Variants in KLHDC1 observed in about 807,000 individuals in gnomAD.
KLHDC1 encodes kelch domain-containing protein 1.
A neutral mutation model predicts 68.3 loss-of-function variants in KLHDC1; 53 were observed. The ratio of observed to expected loss-of-function variants is 0.78; its 90% CI spans 0.62 to 0.98. The LOEUF (loss-of-function observed/expected upper bound fraction) is 0.98, where lower values mean the gene tolerates loss of function less well. Among genes scored for constraint, KLHDC1 ranks in the 50% least tolerant of loss-of-function variants. KLHDC1 has a pLI of 0.00. For synonymous variants in KLHDC1, 148 were observed against 159.0 expected, an observed-to-expected ratio of 0.93 and a Z score of 0.52; for missense variants, 470 against 492.3, an observed-to-expected ratio of 0.95 and a Z score of 0.43.
rs59444333 is a variant in KLHDC1, at chr14:49,705,365, CTTTTTT to C, written c.97-3778_97-3773del. 1.4e-4 allele frequency among the ~76,000 whole-genome samples: 10 copies of C among 71,672 alleles called. 1 individual carries two copies. Among genetic ancestry groups the C allele is most frequent in the East Asian group, 4.9e-4 (1 of 2,046 alleles). 47.0% of individuals were successfully genotyped at this position (71,672 alleles called of 152,430 possible). A position where few individuals can be genotyped will look rare whatever the true frequency, so the allele number is the denominator to read the frequency against. On this transcript the variant is annotated intron_variant, in intron 1 of 12. Transcript: ENST00000359332. ...TCACTTTCATAATATTTCTTTCTTT[CTTTTTT>C]TTTTTTTTTTTTTTTGAGATGGAGT...
intron 8 of KLHDC1, among the ~76,000 whole-genome samples, chr14:49,731,195 G>C (rs925171780): frequency 4.6e-5 from 7 of 152,132 alleles, no homozygotes; most frequent in African/African-American, 1.7e-4. Flanking sequence ...CAGGAGAATT[G>C]CTTGTACCTG....
intron 1 of KLHDC1, among the ~76,000 whole-genome samples, chr14:49,696,938 CTTTTTTT>C (rs763606965): frequency 3.6e-5 from 5 of 139,580 alleles, no homozygotes; most frequent in Non-Finnish European, 7.8e-5. Flanking sequence ...GGCCTACTTT[CTTTTTTT>C]TTTTTTTTTA....
At chr14:49,700,341 T>C (rs1211433907) in intron 1 of KLHDC1, among the ~76,000 whole-genome samples, 1 of 152,070 alleles carries the variant, frequency 6.6e-6, no homozygotes, top group Admixed American at 6.5e-5. Context: ...CTAGCACTTT[T>C]GGAGGCCAAG....
At chr14:49,704,876 A>G (rs986392102) in intron 1 of KLHDC1, among the ~76,000 whole-genome samples, 1 of 152,124 alleles carries the variant, frequency 6.6e-6, no homozygotes, top group African/African-American at 2.4e-5. Context: ...TTTGTCTTTT[A>G]TGTGTGAGGC....
chr14:49,707,913 C>T (rs1316797562), intron 1 of KLHDC1: 1 of 152,084 alleles, frequency 6.6e-6, no homozygotes, highest in Non-Finnish European at 1.5e-5. Flanking sequence ...GCCTTGGCCT[C>T]CCAAAGTGCT....
intron 3 of KLHDC1, 29 bp downstream of exon 3, chr14:49,709,855 G>T: frequency 8.7e-7 from 1 of 1,148,844 alleles, no homozygotes; most frequent in Non-Finnish European, 1.3e-6. Flanking sequence ...CAAGAGTGCA[G>T]CAAAATGTAA....
At chr14:49,740,251 C>A in intron 11 of KLHDC1, 69 bp downstream of exon 11, 1 of 867,922 alleles carries the variant, frequency 1.2e-6, no homozygotes, top group Non-Finnish European at 1.8e-6. Context: ...GGCTATTCAG[C>A]AAGAATGTTG....
At position 49,732,748 on chromosome 14, in the gene KLHDC1, C is replaced by A; in HGVS notation, c.755C>A (p.Thr252Asn). 6.2e-7 allele frequency: 1 copy of A among 1,610,224 alleles called. No individual in the cohort carries two copies. Among genetic ancestry groups the A allele is most frequent in the Non-Finnish European group, 8.5e-7 (1 of 1,176,700 alleles). ...AGCCCAAAACATCGGTCATGGCATACTTTAACACCTATAGCTGATGATAAA... is the reference window on the plus strand; with the variant it reads ...AGCCCAAAACATCGGTCATGGCATAATTTAACACCTATAGCTGATGATAAA... Reference protein sequence around the residue: ...GESPKHRSWHTLTPIADDKLF... With the variant: ...GESPKHRSWHNLTPIADDKLF... The change falls in exon 9 of 13, where the codon ACT becomes AAT. Residue 252 changes from threonine (T) to asparagine (N), a missense_variant. Thr to Asn is a moderately conservative substitution (Grantham distance 65). Transcript: ENST00000359332.
chr14:49,743,569 G>A (rs1339018202), intron 11 of KLHDC1, among the ~76,000 whole-genome samples, 184 bp from the exon 12 acceptor site: 1 of 152,092 alleles, frequency 6.6e-6, no homozygotes, highest in Non-Finnish European at 1.5e-5. Context: ...TAGGTAGCAG[G>A]TATATGTATG....
chr14:49,700,917 C>G (rs1414861476), intron 1 of KLHDC1, among the ~76,000 whole-genome samples: 1 of 152,128 alleles, frequency 6.6e-6, no homozygotes, highest in African/African-American at 2.4e-5. Flanking sequence ...CTCGTCTCTA[C>G]TGAAAATACA....
chr14:49,699,121 G>GCCA (rs1396039882), intron 1 of KLHDC1, among the ~76,000 whole-genome samples: 1 of 143,180 alleles, frequency 7.0e-6, no homozygotes, highest in Non-Finnish European at 1.5e-5. Context: ...CCGAGATCGT[G>GCCA]CCACCGCACT....
intron 12 of KLHDC1, among the ~76,000 whole-genome samples, chr14:49,745,150 T>C (rs1422291770): frequency 2.6e-5 from 4 of 152,232 alleles, no homozygotes; most frequent in Non-Finnish European, 5.9e-5. Flanking sequence ...GGACAAGTTA[T>C]ATTTCAAGGA....
chr14:49,736,423 G>A (rs534465867), intron 10 of KLHDC1, among the ~76,000 whole-genome samples: 1 of 152,262 alleles, frequency 6.6e-6, no homozygotes, highest in South Asian at 2.1e-4. Context: ...GCTTTCCAGT[G>A]TTCTTCGATG....
chr14:49,701,540 T>G (rs1365567716), intron 1 of KLHDC1, among the ~76,000 whole-genome samples: 1 of 151,938 alleles, frequency 6.6e-6, no homozygotes. Flanking sequence ...ATGCCTGTAA[T>G]CCCAGCTACT....
intron 4 of KLHDC1, among the ~76,000 whole-genome samples, chr14:49,711,165 G>T (rs928202577): frequency 7.3e-5 from 11 of 150,624 alleles, no homozygotes; most frequent in Admixed American, 2.0e-4. Context: ...GCTAATTTTT[G>T]TGTTTTTACT....
intron 1 of KLHDC1, among the ~76,000 whole-genome samples, chr14:49,696,397 C>T (rs530893610): frequency 6.6e-6 from 1 of 152,068 alleles, no homozygotes; most frequent in Non-Finnish European, 1.5e-5. Context: ...TTGGCCAGGC[C>T]GATCTCGAAC....
intron 1 of KLHDC1, among the ~76,000 whole-genome samples, chr14:49,697,506 A>G (rs912280534): frequency 1.3e-5 from 2 of 152,262 alleles, no homozygotes; most frequent in East Asian, 1.9e-4. Context: ...ACAGACACGA[A>G]GTGAGCATCA....
Position 49,752,973 on chromosome 14 carries a change from G to T in KLHDC1, c.*1201G>T, listed in dbSNP as rs1468927090. 1 of 151,800 alleles carries T rather than the reference G, an allele frequency of 6.6e-6. No individual in the cohort carries two copies. The highest frequency in any genetic ancestry group is 1.5e-5 in the Non-Finnish European group (1 of 67,904). 9.4% of individuals were successfully genotyped at this position (151,800 alleles called of 1,614,324 possible). A position where few individuals can be genotyped will look rare whatever the true frequency, so the allele number is the denominator to read the frequency against. On this transcript the variant is annotated 3_prime_UTR_variant, in exon 13 of 13. Transcript: ENST00000359332. ...TTTATAATGAAAATTATAGTAGTTT[G>T]TAGTATTTCATTGAATTTTAGAGAG...
intron 11 of KLHDC1, among the ~76,000 whole-genome samples, chr14:49,741,626 A>G (rs560836389): frequency 3.3e-5 from 5 of 151,952 alleles, no homozygotes; most frequent in African/African-American, 4.8e-5. Flanking sequence ...TTTACTATAT[A>G]TCTTTTACCA....
Sources: allele counts gnomAD v4.1 joint callset (sites outside exome capture counted in the v4.1 genomes callset), GRCh38; gene constraint gnomAD v4.1.1; transcripts MANE v1.5; gene names NCBI Gene and HGNC (gene_info 2026-07-23, HGNC 2026-07-21).